TRAK1: variants seen among roughly 807,000 people sequenced by gnomAD.
TRAK1 encodes the protein trafficking kinesin protein 1.
In TRAK1, 33 loss-of-function variants were observed where a neutral mutation model predicts 92.1. The observed-to-expected ratio is 0.36, with a 90% confidence interval of 0.27 to 0.48. The LOEUF is 0.48. TRAK1 is among the 20% of genes least tolerant of loss of function. TRAK1 has a pLI of 0.99. For missense variants in TRAK1, 1,123 were observed against 1,257.9 expected (o/e 0.89, Z 1.62); for synonymous variants, 521 against 517.3 (o/e 1.01, Z -0.10).
intron 2 of TRAK1, among the ~76,000 whole-genome samples, chr3:42,175,359 A>G (rs1016174156): frequency 1.3e-5 from 2 of 152,188 alleles, no homozygotes; most frequent in Non-Finnish European, 2.9e-5. Flanking sequence ...CCTCGAGCTG[A>G]TGGACTATCT....
intron 1 of TRAK1, among the ~76,000 whole-genome samples, chr3:42,105,467 GA>G: frequency 6.6e-6 from 1 of 152,108 alleles, no homozygotes. Flanking sequence ...GAAGTTTAGG[GA>G]AAAAAGAGTA....
intron 1 of TRAK1, among the ~76,000 whole-genome samples, chr3:42,095,634 C>T (rs764274430): frequency 1.3e-5 from 2 of 152,106 alleles, no homozygotes; most frequent in Non-Finnish European, 2.9e-5. Flanking sequence ...AGATGATTAA[C>T]CATATTACTT....
chr3:42,193,697 T>C, intron 8 of TRAK1, 127 bp from the exon 9 acceptor site: 2 of 1,013,190 alleles, frequency 2.0e-6, no homozygotes, highest in South Asian at 2.6e-5. Flanking sequence ...AAAAGCAGAA[T>C]TTGAGTATAA....
intron 2 of TRAK1, among the ~76,000 whole-genome samples, chr3:42,155,600 A>C (rs1382942527): frequency 1.3e-5 from 2 of 152,138 alleles, no homozygotes; most frequent in African/African-American, 2.4e-5. Context: ...GAGATGCAGG[A>C]TGTGGAAGCC....
chr3:42,189,116 C>T lies in TRAK1; in HGVS notation c.682C>T (p.Arg228Ter). ...KDLEEENVVL[R>*]SEASQLKTET... The stretch of plus-strand genomic sequence containing the variant: ...CCTTGAAGAGGAGAATGTTGTACTT[C>T]GATCCGAGGTGATGTGCCCTCCCTT... The change falls in exon 6 of 16, where the codon CGA becomes TGA. Residue 228 changes from arginine to a stop codon, truncating the protein, a stop_gained. Transcript: ENST00000327628. LOFTEE classifies it high-confidence loss of function. The T allele has an allele frequency of 1.2e-6, 2 of 1,612,718 alleles. No individual in the cohort carries two copies. Among genetic ancestry groups the T allele is most frequent in the Non-Finnish European group, 1.7e-6 (2 of 1,178,684 alleles).
chr3:42,039,960 G>T (rs1036777521), intron 1 of TRAK1, among the ~76,000 whole-genome samples: 4 of 152,132 alleles, frequency 2.6e-5, no homozygotes, highest in African/African-American at 9.7e-5. Flanking sequence ...TGCATTTCAG[G>T]ACGGCTGATG....
intron 1 of TRAK1, among the ~76,000 whole-genome samples, chr3:42,016,681 G>A (rs1701539608): frequency 6.6e-6 from 1 of 152,306 alleles, no homozygotes; most frequent in South Asian, 2.1e-4. Context: ...TTATAGATGC[G>A]ATTGTTCTGT....
chr3:42,162,878 C>A (rs904520709), intron 2 of TRAK1, among the ~76,000 whole-genome samples: 1 of 152,132 alleles, frequency 6.6e-6, no homozygotes, highest in Non-Finnish European at 1.5e-5. Flanking sequence ...TAGAAATTTT[C>A]TTTTCCTGAA....
Position 42,224,043 on chromosome 3 carries a change from T to C in TRAK1, c.*306T>C. The C allele has an allele frequency of 1.8e-6, 1 of 551,558 alleles. No homozygotes were observed. Among genetic ancestry groups the C allele is most frequent in the Non-Finnish European group, 3.5e-6 (1 of 289,420 alleles). 34.2% of individuals were successfully genotyped at this position (551,558 alleles called of 1,614,324 possible). On this transcript the variant is annotated 3_prime_UTR_variant, in exon 16 of 16. Transcript: ENST00000327628. ...TAACCTGGGGGAAGGTGGGGTCCTTTCTTCTTTCCTTTTGAGAAGCACTGA... is the reference window on the plus strand; with the variant it reads ...TAACCTGGGGGAAGGTGGGGTCCTTCCTTCTTTCCTTTTGAGAAGCACTGA...
chr3:42,203,719 A>C, intron 13 of TRAK1: 1 of 984,868 alleles, frequency 1.0e-6, no homozygotes, highest in Non-Finnish European at 1.2e-6. Context: ...CTTTAAAAAA[A>C]TTATTGTCCC....
chr3:42,100,816 G>T lies in TRAK1; in HGVS notation c.91+9256G>T, dbSNP rs374377615. The stretch of plus-strand genomic sequence containing the variant: ...CCAGTAGCTGGGATTACAGGCACCT[G>T]CCACCACACCTGGCTAATTTTTTTG... On this transcript the variant is annotated intron_variant, in intron 1 of 15. Transcript: ENST00000327628. Among the ~76,000 whole-genome samples, 33 of 152,046 alleles carry T rather than the reference G, an allele frequency of 2.2e-4. 1 individual carries two copies. The South Asian group carries it at 6.4e-3, about 30-fold the overall frequency.
chr3:42,205,581 C>T lies in TRAK1; in HGVS notation c.1744+2829C>T, dbSNP rs6764403. 6.7e-3 allele frequency among the ~76,000 whole-genome samples: 1,022 copies of T among 152,266 alleles called. 5 individuals carry two copies. Among genetic ancestry groups the T allele is most frequent in the African/African-American group, 0.022 (897 of 41,544 alleles). On this transcript the variant is annotated intron_variant, in intron 13 of 15. Transcript: ENST00000327628. Reference sequence around the variant, plus strand: ...GATATCTGTGTTAAAAAGACCAAGGCGGGCAGTATTTTTTTCCTGTAATTT... The same window carrying T: ...GATATCTGTGTTAAAAAGACCAAGGTGGGCAGTATTTTTTTCCTGTAATTT...
At chr3:42,133,680 T>A (rs1176023201) in intron 2 of TRAK1, among the ~76,000 whole-genome samples, 1 of 152,244 alleles carries the variant, frequency 6.6e-6, no homozygotes, top group Non-Finnish European at 1.5e-5. Flanking sequence ...ATAATTATAA[T>A]AATGACTCAC....
intron 10 of TRAK1, among the ~76,000 whole-genome samples, chr3:42,196,323 A>G (rs1167570024): frequency 1.4e-4 from 21 of 152,304 alleles, no homozygotes; most frequent in Non-Finnish European, 2.9e-4. Flanking sequence ...CAGTTTTTGC[A>G]CAACTATGTT....
At chr3:42,111,434 C>T (rs1337609678) in intron 1 of TRAK1, among the ~76,000 whole-genome samples, 2 of 150,724 alleles carry the variant, frequency 1.3e-5, no homozygotes, top group African/African-American at 4.9e-5. Context: ...CTCACTCTGT[C>T]GCCCAGGCTG....
intron 1 of TRAK1, among the ~76,000 whole-genome samples, chr3:42,040,700 G>A (rs1052908750): frequency 4.8e-5 from 7 of 144,608 alleles, no homozygotes; most frequent in Non-Finnish European, 7.5e-5. Context: ...TTTTTGAGAC[G>A]GAGTCTCACT....
chr3:42,113,523 C>T (rs958124462), intron 1 of TRAK1, among the ~76,000 whole-genome samples: 1 of 151,936 alleles, frequency 6.6e-6, no homozygotes, highest in Non-Finnish European at 1.5e-5. Context: ...AAGTGATCCT[C>T]CTGCCTCAGC....
intron 1 of TRAK1, among the ~76,000 whole-genome samples, chr3:42,101,389 A>G (rs910306393): frequency 1.3e-5 from 2 of 152,272 alleles, no homozygotes; most frequent in Non-Finnish European, 2.9e-5. Context: ...TGAACAGCTT[A>G]GAGTTTAGAA....
At chr3:42,079,059 C>A (rs1309072804) in intron 1 of TRAK1, among the ~76,000 whole-genome samples, 1 of 152,128 alleles carries the variant, frequency 6.6e-6, no homozygotes, top group African/African-American at 2.4e-5. Context: ...CCCAGAGCCC[C>A]CAGTAATGGA....
Sources: allele counts gnomAD v4.1 joint callset (sites outside exome capture counted in the v4.1 genomes callset), GRCh38; gene constraint gnomAD v4.1.1; transcripts MANE v1.5; gene names NCBI Gene and HGNC (gene_info 2026-07-23, HGNC 2026-07-21).